PHF24: variants seen among roughly 807,000 people sequenced by gnomAD.
PHF24 encodes the protein Galpha inhibitory interacting protein.
PHF24 carries 25 observed loss-of-function variants against 42.6 expected under a neutral mutation model. The observed-to-expected ratio is 0.59, with a 90% CI of 0.43 to 0.82. The LOEUF (loss-of-function observed/expected upper bound fraction) is 0.82, where lower values mean the gene tolerates loss of function less well. Ranked by LOEUF, PHF24 falls within the 40% of genes least tolerant of loss-of-function variation. The pLI is 0.00. For synonymous variants in PHF24, 185 were observed against 204.8 expected (o/e 0.90, Z 0.83); for missense variants, 470 against 538.1 (o/e 0.87, Z 1.25).
chr9:34,740,505 C>T, the PHF24 span, among the ~76,000 whole-genome samples: 2 of 152,232 alleles, frequency 1.3e-5, no homozygotes. Context: ...TGCCCGGGGC[C>T]GGCAGGGCCA....
At chr9:34,792,918 T>C in the PHF24 span, among the ~76,000 whole-genome samples, 1 of 152,172 alleles carries the variant, frequency 6.6e-6, no homozygotes, top group Admixed American at 6.5e-5. Flanking sequence ...GGTGAATACT[T>C]GGCATGAAAA....
At chr9:34,675,118 G>A in the PHF24 span, among the ~76,000 whole-genome samples, 85,688 of 151,662 alleles carry the variant, frequency 0.56, 24,624 homozygotes, top group East Asian at 0.8. Flanking sequence ...TTGGCCTCCT[G>A]CAGTGCTAGG....
the PHF24 span, among the ~76,000 whole-genome samples, chr9:34,896,619 C>T: frequency 6.6e-6 from 1 of 152,158 alleles, no homozygotes; most frequent in East Asian, 1.9e-4. Flanking sequence ...TTGAATCCAC[C>T]GTGGTTGGAA....
the PHF24 span, among the ~76,000 whole-genome samples, chr9:34,840,674 C>G: frequency 6.6e-6 from 1 of 152,000 alleles, no homozygotes; most frequent in African/African-American, 2.4e-5. Context: ...CTGAGCCCCC[C>G]CAGATGCTAG....
the PHF24 span, chr9:34,894,916 G>A: frequency 2.5e-6 from 1 of 397,016 alleles, no homozygotes; most frequent in Non-Finnish European, 4.4e-6. Flanking sequence ...ATTGTCCCTG[G>A]GGGGTACTAG....
the PHF24 span, among the ~76,000 whole-genome samples, chr9:34,884,182 A>T: frequency 6.6e-6 from 1 of 152,162 alleles, no homozygotes; most frequent in Non-Finnish European, 1.5e-5. Flanking sequence ...ACTTGGATAC[A>T]GGGTGGGGAA....
chr9:34,937,310 A>G, the PHF24 span, among the ~76,000 whole-genome samples: 1 of 152,158 alleles, frequency 6.6e-6, no homozygotes, highest in African/African-American at 2.4e-5. Context: ...ACTAAGAAAA[A>G]TTGTTCTGTC....
the PHF24 span, among the ~76,000 whole-genome samples, chr9:34,722,211 T>C: frequency 6.6e-6 from 1 of 152,150 alleles, no homozygotes. Flanking sequence ...ACTGGAGTGA[T>C]GGTAGCAGTA....
chr9:34,709,601 C>T, the PHF24 span: 1 of 1,614,206 alleles, frequency 6.2e-7, no homozygotes, highest in Non-Finnish European at 8.5e-7. Context: ...GTGTCTTGTC[C>T]AGATGCTGCA....
the PHF24 span, among the ~76,000 whole-genome samples, chr9:34,891,742 C>T: frequency 6.6e-6 from 1 of 152,154 alleles, no homozygotes; most frequent in Admixed American, 6.5e-5. Flanking sequence ...CAAAGAGTGT[C>T]CTGGATCTAG....
At chr9:34,905,191 T>A in the PHF24 span, among the ~76,000 whole-genome samples, 17 of 152,330 alleles carry the variant, frequency 1.1e-4, no homozygotes, top group East Asian at 2.7e-3. Flanking sequence ...CTCCTGGTTC[T>A]GATTCCCCTC....
the PHF24 span, among the ~76,000 whole-genome samples, chr9:34,869,033 C>T: frequency 6.6e-6 from 1 of 152,196 alleles, no homozygotes; most frequent in Non-Finnish European, 1.5e-5. Flanking sequence ...CGTTCGTTTG[C>T]TGAGGATAAC....
the PHF24 span, among the ~76,000 whole-genome samples, chr9:34,867,774 G>T: frequency 6.6e-6 from 1 of 152,108 alleles, no homozygotes; most frequent in African/African-American, 2.4e-5. Flanking sequence ...TCTATGTTAG[G>T]TATGTGGCTT....
chr9:34,875,950 ACTCTCTCTCTCTCT>A, the PHF24 span, among the ~76,000 whole-genome samples: 8,635 of 78,496 alleles, frequency 0.11, 354 homozygotes, highest in South Asian at 0.15. Context: ...ACACACACAC[ACTCTCTCTCTCTCT>A]CTCTCTCTCT....
chr9:34,929,046 C>A, the PHF24 span, among the ~76,000 whole-genome samples: 1 of 152,188 alleles, frequency 6.6e-6, no homozygotes, highest in Non-Finnish European at 1.5e-5. Context: ...ATAGCCCACT[C>A]TTCCCTCCCC....
the PHF24 span, among the ~76,000 whole-genome samples, chr9:34,897,546 A>G: frequency 2.0e-5 from 3 of 152,264 alleles, no homozygotes; most frequent in African/African-American, 4.8e-5. Flanking sequence ...TATGTTAAGC[A>G]TATCTTACCA....
the PHF24 span, among the ~76,000 whole-genome samples, chr9:34,831,594 TC>T: frequency 6.6e-6 from 1 of 152,168 alleles, no homozygotes; most frequent in African/African-American, 2.4e-5. Context: ...GCCTCCTGGC[TC>T]TAGGCTCATT....
At chr9:34,770,202 A>G in the PHF24 span, among the ~76,000 whole-genome samples, 3 of 152,354 alleles carry the variant, frequency 2.0e-5, no homozygotes, top group African/African-American at 7.2e-5. Context: ...AGAGTACCCA[A>G]TGATCCAACA....
At chr9:34,705,505 C>A in the PHF24 span, among the ~76,000 whole-genome samples, 1 of 152,156 alleles carries the variant, frequency 6.6e-6, no homozygotes, top group Non-Finnish European at 1.5e-5. Context: ...AGGTTGGTCT[C>A]AAACTCCTGA....
Sources: allele counts gnomAD v4.1 joint callset (sites outside exome capture counted in the v4.1 genomes callset), GRCh38; gene constraint gnomAD v4.1.1; transcripts MANE v1.5; gene names NCBI Gene and HGNC (gene_info 2026-07-23, HGNC 2026-07-21).